The following RANBP2 variants were observed in gnomAD, a reference collection of about 807,000 sequenced individuals.
RANBP2 encodes E3 SUMO-protein ligase RanBP2.
RANBP2 carries 57 observed loss-of-function variants against 303.6 expected under a neutral mutation model. The ratio of observed to expected loss-of-function variants is 0.19; its 90% CI spans 0.15 to 0.23. The LOEUF (loss-of-function observed/expected upper bound fraction) is 0.23, where lower values mean the gene tolerates loss of function less well. RANBP2 is among the 10% of genes least tolerant of loss of function. RANBP2 has a pLI of 1.00. For synonymous variants in RANBP2, 1,167 were observed against 1,301.5 expected (o/e 0.90, Z 2.23); for missense variants, 3,138 against 3,780.8 (o/e 0.83, Z 4.46).
chr2:109,339,000 A>C, the RANBP2 span, among the ~76,000 whole-genome samples: 1 of 152,214 alleles, frequency 6.6e-6, no homozygotes, highest in Non-Finnish European at 1.5e-5. Context: ...AGAGAAAAGA[A>C]ATTGTTATTT....
the RANBP2 span, among the ~76,000 whole-genome samples, chr2:109,242,943 T>G: frequency 4.6e-5 from 7 of 152,240 alleles, no homozygotes. Flanking sequence ...GCCAAAGGAC[T>G]CTTGTCCTCT....
chr2:109,269,535 C>G, the RANBP2 span, among the ~76,000 whole-genome samples: 7,855 of 152,284 alleles, frequency 0.052, 363 homozygotes, highest in East Asian at 0.18. Context: ...AATCCCAGCA[C>G]TTTGGGAGGC....
chr2:109,210,788 C>A, the RANBP2 span, among the ~76,000 whole-genome samples: 5 of 152,154 alleles, frequency 3.3e-5, no homozygotes, highest in Non-Finnish European at 7.4e-5. Flanking sequence ...CTGGCAAGCA[C>A]GACCTATTTC....
intron 5 of RANBP2, 138 bp from the exon 6 acceptor site, chr2:108,735,966 G>A (rs888841463): frequency 6.3e-7 from 1 of 1,575,546 alleles, no homozygotes; most frequent in Non-Finnish European, 8.6e-7. Flanking sequence ...TATTTTTGGT[G>A]TTTTATAAGG....
the RANBP2 span, among the ~76,000 whole-genome samples, chr2:109,696,502 G>A: frequency 3.7e-4 from 56 of 152,216 alleles, no homozygotes; most frequent in Admixed American, 1.1e-3. Flanking sequence ...GTTCTGTTCC[G>A]TTGATTTACA....
chr2:109,296,645 C>T, the RANBP2 span, among the ~76,000 whole-genome samples: 3 of 152,304 alleles, frequency 2.0e-5, no homozygotes, highest in African/African-American at 7.2e-5. Flanking sequence ...GGGCCCTGCA[C>T]CATCTGTTCT....
the RANBP2 span, among the ~76,000 whole-genome samples, chr2:109,418,225 G>A: frequency 4.9e-4 from 75 of 152,192 alleles, 1 homozygote; most frequent in Admixed American, 4.9e-3. Flanking sequence ...CCTAGAGGAA[G>A]GGAGGAGACC....
the RANBP2 span, among the ~76,000 whole-genome samples, chr2:109,157,179 G>T: frequency 6.6e-6 from 1 of 152,096 alleles, no homozygotes; most frequent in African/African-American, 2.4e-5. Flanking sequence ...TTATCAGAGG[G>T]GATCATAGTA....
the RANBP2 span, among the ~76,000 whole-genome samples, chr2:109,255,587 T>A: frequency 6.6e-6 from 1 of 152,220 alleles, no homozygotes; most frequent in African/African-American, 2.4e-5. Context: ...TCTATAATTA[T>A]GAAAATGTTT....
At chr2:109,681,406 A>G in the RANBP2 span, among the ~76,000 whole-genome samples, 1 of 152,224 alleles carries the variant, frequency 6.6e-6, no homozygotes, top group African/African-American at 2.4e-5. Flanking sequence ...TTTACATTAC[A>G]TTTCAGTAAA....
chr2:109,511,154 C>A, the RANBP2 span, among the ~76,000 whole-genome samples: 1 of 152,226 alleles, frequency 6.6e-6, no homozygotes, highest in Admixed American at 6.5e-5. Flanking sequence ...GGCAGTCTGG[C>A]TCCAAAGGCC....
the RANBP2 span, chr2:109,592,933 G>C: frequency 3.8e-6 from 2 of 526,314 alleles, no homozygotes; most frequent in Non-Finnish European, 6.4e-6. Flanking sequence ...ATTCACGTTG[G>C]AGGTAAGTAC....
At chr2:108,998,892 G>A in the RANBP2 span, among the ~76,000 whole-genome samples, 1 of 152,298 alleles carries the variant, frequency 6.6e-6, no homozygotes, top group South Asian at 2.1e-4. Flanking sequence ...GCTGAAAGCT[G>A]GGCCCGTGCC....
the RANBP2 span, among the ~76,000 whole-genome samples, chr2:108,803,510 C>G: frequency 6.6e-6 from 1 of 152,182 alleles, no homozygotes; most frequent in Non-Finnish European, 1.5e-5. Context: ...TGGCTATGCA[C>G]AGACGTCATC....
At chr2:109,155,635 T>A in the RANBP2 span, among the ~76,000 whole-genome samples, 4 of 152,142 alleles carry the variant, frequency 2.6e-5, no homozygotes, top group Admixed American at 6.5e-5. Flanking sequence ...TTTGGCTATT[T>A]GTGATTTATT....
the RANBP2 span, among the ~76,000 whole-genome samples, chr2:109,396,947 C>A: frequency 6.6e-6 from 1 of 152,228 alleles, no homozygotes; most frequent in Non-Finnish European, 1.5e-5. Context: ...GAATCCTGTA[C>A]GTCCTTCCTG....
downstream of RANBP2, chr2:108,786,867 G>C: frequency 1.3e-6 from 2 of 1,584,890 alleles, no homozygotes; most frequent in South Asian, 2.3e-5. Flanking sequence ...ATTTAGTAGT[G>C]GAGAGTCTCA....
At chr2:109,187,166 C>T in the RANBP2 span, among the ~76,000 whole-genome samples, 15 of 152,304 alleles carry the variant, frequency 9.8e-5, no homozygotes, top group African/African-American at 3.4e-4. Context: ...CTGACCACTT[C>T]GTCGTCATTA....
chr2:108,813,260 A>AG, the RANBP2 span, among the ~76,000 whole-genome samples: 1 of 150,272 alleles, frequency 6.7e-6, no homozygotes, highest in South Asian at 2.1e-4. Context: ...AAAAAAAAAA[A>AG]AAAAAAAAAA....
Sources: gnomAD v4.1 joint callset for allele counts (sites outside exome capture counted in the v4.1 genomes callset) on GRCh38, gnomAD v4.1.1 for gene constraint, MANE v1.5 for transcripts, NCBI Gene and HGNC (gene_info 2026-07-23, HGNC 2026-07-21) for gene names.